CERS5: variants seen among roughly 807,000 people sequenced by gnomAD.
CERS5 encodes ceramide synthase 5, also known as LAG1 homolog, ceramide synthase 5.
Under a neutral mutation model 58.9 loss-of-function variants are expected in CERS5, and 37 were observed. The ratio of observed to expected loss-of-function variants is 0.63; its 90% CI spans 0.48 to 0.83. CERS5 has a LOEUF of 0.83. Ranked by LOEUF, CERS5 falls within the 40% of genes least tolerant of loss-of-function variation. The probability of loss-of-function intolerance (pLI) is 0.00; values close to 1 mark genes in which losing one functional copy is unlikely to be tolerated. For missense variants in CERS5, 398 were observed against 489.3 expected (o/e 0.81, Z 1.76); for synonymous variants, 147 against 177.8 (o/e 0.83, Z 1.38).
rs1289346674 is a variant in CERS5 at position 50,134,553 on chromosome 12, CT to C, written c.1021del (p.Arg341GlyfsTer21). 5 of 1,614,146 alleles carry C rather than the reference CT, an allele frequency of 3.1e-6. No homozygotes were observed. Among genetic ancestry groups the C allele is most frequent in the Non-Finnish European group, 3.4e-6 (4 of 1,180,022 alleles). ...IARIALKALI[R>X]GKVSKDDRSD... is the part of the protein sequence containing the mutation. ...GCCATCTTTCATCCTCACCTTTCCC[CT>C]GATCAAGGCTTTCAAAGCAATCCGT... On this transcript the variant is annotated frameshift_variant, in exon 9 of 10. Coordinates refer to ENST00000317551, the MANE Select transcript of CERS5 (RefSeq NM_147190.5). LOFTEE classifies it high-confidence loss of function.
At chr12:50,132,610 C>T (rs1162974048) in intron 9 of CERS5, among the ~76,000 whole-genome samples, 1 of 152,094 alleles carries the variant, frequency 6.6e-6, no homozygotes, top group Non-Finnish European at 1.5e-5. Flanking sequence ...TGGATCAGCT[C>T]CTTGAATTTG....
rs1483792336 is a variant in CERS5 at position 50,133,500 on chromosome 12, C to CG, written c.1029+1045_1029+1046insC. 1.0e-5 allele frequency: 10 copies of CG among 990,096 alleles called. No individual in the cohort carries two copies. The Admixed American group carries it at 5.8e-4, about 58-fold the overall frequency. The allele number at this position is 990,096 out of a possible 1,614,324, so 61.3% of individuals were successfully genotyped here. On this transcript the variant is annotated intron_variant, in intron 9 of 9. Coordinates refer to ENST00000317551, the MANE Select transcript of CERS5 (RefSeq NM_147190.5). ...CATATCTTGAATATCACAGCATGGT[C>CG]ACCTTGTGGTGGCTTGTGAACTACC...
At chr12:50,166,053 T>A (rs1031566252) in intron 1 of CERS5, 2 of 414,426 alleles carry the variant, frequency 4.8e-6, no homozygotes, top group South Asian at 1.7e-5. Flanking sequence ...CCGGGTGCGG[T>A]GGCTCACGCC....
intron 1 of CERS5, among the ~76,000 whole-genome samples, chr12:50,163,868 G>A (rs573442991): frequency 1.3e-4 from 19 of 151,922 alleles, no homozygotes; most frequent in African/African-American, 3.9e-4. Flanking sequence ...TGCCAAGGCT[G>A]GTCTCAAACT....
intron 1 of CERS5, among the ~76,000 whole-genome samples, chr12:50,161,989 C>A (rs1376800944): frequency 6.7e-6 from 1 of 148,666 alleles, no homozygotes; most frequent in Non-Finnish European, 1.5e-5. Flanking sequence ...ATTCTCCTGC[C>A]TCAGCCTCCC....
chr12:50,135,341 GTGTGTGTGTC>G, intron 8 of CERS5: 3 of 386,828 alleles, frequency 7.8e-6, no homozygotes, highest in East Asian at 7.2e-5. Flanking sequence ...GTGTGTGTGT[GTGTGTGTGTC>G]AGGGTTGGGA....
intron 9 of CERS5, 98 bp downstream of exon 9, chr12:50,134,448 G>C (rs1355417639): frequency 6.2e-7 from 1 of 1,609,382 alleles, no homozygotes; most frequent in Admixed American, 1.7e-5. Context: ...TGGCCTGCTT[G>C]AGTAGATGGG....
chr12:50,167,183 A>G lies in CERS5; in HGVS notation c.115T>C (p.Tyr39His), dbSNP rs1156811991. 4.4e-6 allele frequency: 7 copies of G among 1,603,458 alleles called. No individual in the cohort carries two copies. In the African/African-American group the frequency reaches 9.5e-5, roughly 22 times the overall value. The change falls in exon 1 of 10, where the codon TAC becomes CAC. Residue 39 changes from tyrosine to histidine, a missense_variant. Transcript: ENST00000317551. ...ATGTGCCGGCCGCGGGGGTAACCGT[A>G]GCCGTCGGCCGGCCCCTCCAGATCA... ...WADLEGPADG[Y>H]GYPRGRHILS...
intron 1 of CERS5, among the ~76,000 whole-genome samples, chr12:50,166,520 C>T: frequency 6.6e-6 from 1 of 152,144 alleles, no homozygotes; most frequent in East Asian, 1.9e-4. Flanking sequence ...CCTATCCCAA[C>T]CAGATTTCTA....
At chr12:50,133,225 C>T in intron 9 of CERS5, 1 of 1,137,724 alleles carries the variant, frequency 8.8e-7, no homozygotes, top group Non-Finnish European at 1.1e-6. Context: ...GTCCTAGTAT[C>T]AGTACCTGCT....
chr12:50,138,456 C>A (rs1951803396), intron 5 of CERS5, 111 bp downstream of exon 5: 1 of 891,816 alleles, frequency 1.1e-6, no homozygotes, highest in Non-Finnish European at 1.9e-6. Flanking sequence ...AGTCCCTAAT[C>A]CCTCAATCCC....
intron 1 of CERS5, among the ~76,000 whole-genome samples, chr12:50,154,876 T>C (rs1395708741): frequency 6.6e-6 from 1 of 152,126 alleles, no homozygotes; most frequent in African/African-American, 2.4e-5. Context: ...AATTTCTTTT[T>C]GAGACAGAGT....
chr12:50,152,303 A>C (rs2138184987), intron 1 of CERS5, among the ~76,000 whole-genome samples: 1 of 152,362 alleles, frequency 6.6e-6, no homozygotes, highest in Admixed American at 6.5e-5. Flanking sequence ...CAAGGTAGTG[A>C]CACCAAACCA....
chr12:50,153,180 GA>G (rs1182032805), intron 1 of CERS5, among the ~76,000 whole-genome samples: 1 of 149,834 alleles, frequency 6.7e-6, no homozygotes, highest in Non-Finnish European at 1.5e-5. Flanking sequence ...AGAATGTTTA[GA>G]AAACTTTTAC....
intron 7 of CERS5, 21 bp from the exon 8 acceptor site, chr12:50,135,859 T>C (rs1951666631): frequency 3.1e-6 from 5 of 1,608,462 alleles, no homozygotes; most frequent in African/African-American, 1.3e-5. Flanking sequence ...GAAGAAAGAA[T>C]TGAGCTGGGG....
Position 50,137,776 on chromosome 12 carries a change from G to A in CERS5, c.588C>T (p.Ala196=), listed in dbSNP as rs1046963827. 1.2e-6 allele frequency: 2 copies of A among 1,609,706 alleles called. No homozygotes were observed. Among genetic ancestry groups the A allele is most frequent in the African/African-American group, 2.7e-5 (2 of 74,752 alleles). The change falls in exon 6 of 10, where the codon GCC becomes GCT. Residue 196 remains alanine (A), a synonymous_variant. Coordinates refer to ENST00000317551, the MANE Select transcript of CERS5 (RefSeq NM_147190.5). The part of the protein sequence containing the change: ...GLYHYYIMEL[A]FYWSLMFSQF... The stretch of plus-strand genomic sequence containing the variant: ...GAGAAAACATAAGGGACCAATAGAA[G>A]GCCAATTCCATGATATAATAGTGAT...
chr12:50,156,124 G>A (rs1313451458), intron 1 of CERS5, among the ~76,000 whole-genome samples: 39 of 126,630 alleles, frequency 3.1e-4, no homozygotes, highest in Non-Finnish European at 5.7e-4. Flanking sequence ...AAAAAAGGCC[G>A]GCCGTGGTGG....
intron 1 of CERS5, among the ~76,000 whole-genome samples, chr12:50,146,773 G>A (rs1952296925): frequency 6.6e-6 from 1 of 151,288 alleles, no homozygotes; most frequent in South Asian, 2.1e-4. Context: ...CATGAACCCG[G>A]GAGGCGGAGC....
At chr12:50,144,145 A>G (rs1952133783) in intron 1 of CERS5, 88 bp from the exon 2 acceptor site, 10 of 759,710 alleles carry the variant, frequency 1.3e-5, no homozygotes, top group Non-Finnish European at 2.3e-5. Context: ...TTTATGGGGT[A>G]CAATGTGATG....
Sources: gnomAD v4.1 joint callset for allele counts (sites outside exome capture counted in the v4.1 genomes callset) on GRCh38, gnomAD v4.1.1 for gene constraint, MANE v1.5 for transcripts, NCBI Gene and HGNC (gene_info 2026-07-23, HGNC 2026-07-21) for gene names.